Variants in STK11IP observed in about 807,000 individuals in gnomAD.
STK11IP encodes serine/threonine-protein kinase 11-interacting protein.
In STK11IP, 103 loss-of-function variants were observed where a neutral mutation model predicts 131.7. That is an observed-to-expected ratio of 0.78 (90% CI 0.67 to 0.92). STK11IP has a LOEUF of 0.92. STK11IP is among the 40% of genes least tolerant of loss of function. The probability of loss-of-function intolerance (pLI) is 0.00; values close to 1 mark genes in which losing one functional copy is unlikely to be tolerated. For synonymous variants in STK11IP, 557 were observed against 575.6 expected (o/e 0.97, Z 0.46); for missense variants, 1,315 against 1,385.7 (o/e 0.95, Z 0.81).
Position 219,613,025 on chromosome 2 carries a change from G to T in STK11IP, c.2440-103G>T, listed in dbSNP as rs913350710. The T allele has an allele frequency of 3.7e-5, 30 of 807,492 alleles. 1 individual carries two copies. Among genetic ancestry groups the T allele is most frequent in the Non-Finnish European group, 6.0e-5 (29 of 486,980 alleles). 50.0% of individuals were successfully genotyped at this position (807,492 alleles called of 1,614,324 possible). A position where few individuals can be genotyped will look rare whatever the true frequency, so the allele number is the denominator to read the frequency against. On this transcript the variant is annotated intron_variant, in intron 19 of 24. Coordinates refer to ENST00000456909, the MANE Select transcript of STK11IP (RefSeq NM_052902.4). Reference sequence around the variant, plus strand: ...CCATAGACTGGTGGGTGGGCAGTGGGAGGGTCAGGCCGAGGGTGCTGTCAC... The same window carrying T: ...CCATAGACTGGTGGGTGGGCAGTGGTAGGGTCAGGCCGAGGGTGCTGTCAC...
intron 4 of STK11IP, 34 bp downstream of exon 4, chr2:219,601,749 A>G (rs764723128): frequency 1.3e-6 from 2 of 1,574,584 alleles, no homozygotes; most frequent in African/African-American, 2.7e-5. Context: ...GGTGCACAGC[A>G]CCCAACTTGA....
rs1300448273 is a variant in STK11IP, at chr2:219,602,660, A to G, written c.547-45A>G. 4 of 1,612,204 alleles carry G rather than the reference A, an allele frequency of 2.5e-6. No homozygotes were observed. The African/African-American group carries it at 5.3e-5, about 22-fold the overall frequency. On this transcript the variant is annotated intron_variant, in intron 6 of 24. Coordinates refer to ENST00000456909, the MANE Select transcript of STK11IP (RefSeq NM_052902.4). ...AGGGCCAGCTGGTTGACCAGATAGT[A>G]TTGTAGTGAACATCGATTCTCTGCC...
At chr2:219,607,956 C>T (rs145054212) in intron 13 of STK11IP, 91 bp from the exon 14 acceptor site, 22,508 of 1,512,194 alleles carry the variant, frequency 0.015, 200 homozygotes, top group Non-Finnish European at 0.017. Context: ...CACAGCCCAT[C>T]GCCCCCTCAT....
intron 24 of STK11IP, 30 bp from the exon 25 acceptor site, chr2:219,616,014 C>T (rs1247787215): frequency 1.2e-6 from 2 of 1,608,978 alleles, no homozygotes; most frequent in Admixed American, 1.7e-5. Context: ...TCCCCATGAG[C>T]CTCGCCTTGC....
rs113599698 is a variant in STK11IP, at chr2:219,601,233, A to C, written c.62-2A>C. The stretch of plus-strand genomic sequence containing the variant: ...CCCTCCTGTTTGCCCCTTTTTCTGC[A>C]GGGGATGTGGTCCTGTCTGGCTGTA... On this transcript the variant is annotated splice_acceptor_variant, in intron 2 of 24. Coordinates refer to ENST00000456909, the MANE Select transcript of STK11IP (RefSeq NM_052902.4). LOFTEE classifies it high-confidence loss of function. The C allele has an allele frequency of 6.2e-7, 1 of 1,604,182 alleles. No homozygotes were observed. Among genetic ancestry groups the C allele is most frequent in the Non-Finnish European group, 8.5e-7 (1 of 1,173,644 alleles).
At position 219,606,280 on chromosome 2, in the gene STK11IP, C is replaced by G. The variant is rs760988732; in HGVS notation, c.935C>G (p.Ala312Gly). The change falls in exon 10 of 25, where the codon GCT becomes GGT. Residue 312 changes from alanine to glycine, a missense_variant. Ala to Gly is a moderately conservative substitution (Grantham distance 60). Transcript: ENST00000456909. The stretch of plus-strand genomic sequence containing the variant: ...TACTTGTCACCCCGGGCCAGGGATG[C>G]TGCTACTGGCGTGAGTGATCGTCCT... Reference protein sequence around the residue: ...AQYLSPRARDAATGFLLDGKV... With the variant: ...AQYLSPRARDGATGFLLDGKV... 1 of 1,566,144 alleles carries G rather than the reference C, an allele frequency of 6.4e-7. No individual in the cohort carries two copies. The highest frequency in any genetic ancestry group is 1.2e-5 in the South Asian group (1 of 85,128).
chr2:219,613,040 G>A, intron 19 of STK11IP, 88 bp from the exon 20 acceptor site: 1 of 1,011,772 alleles, frequency 9.9e-7, no homozygotes, highest in Non-Finnish European at 1.5e-6. Flanking sequence ...TCAGGCCGAG[G>A]GTGCTGTCAC....
chr2:219,616,028 C>G lies in STK11IP; in HGVS notation c.3118-16C>G, dbSNP rs1479428469. On this transcript the variant is annotated splice_polypyrimidine_tract_variant and intron_variant, in intron 24 of 24. Transcript: ENST00000456909. ...GTCCCCATGAGCCTCGCCTTGCTAA[C>G]TGCTCGGTCTGCCAGGTGTCCCGGC... 3 of 1,612,402 alleles carry G rather than the reference C, an allele frequency of 1.9e-6. No individual in the cohort carries two copies. The highest frequency in any genetic ancestry group is 1.7e-4 in the Middle Eastern group (1 of 5,982).
intron 17 of STK11IP, among the ~76,000 whole-genome samples, chr2:219,611,339 C>G (rs1375002893): frequency 6.6e-6 from 1 of 152,150 alleles, no homozygotes; most frequent in Non-Finnish European, 1.5e-5. Context: ...TTGGCCCAGT[C>G]TGAGAGGGCC....
chr2:219,599,637 GGCA>G, intron 2 of STK11IP, among the ~76,000 whole-genome samples: 1 of 152,268 alleles, frequency 6.6e-6, no homozygotes, highest in South Asian at 2.1e-4. Flanking sequence ...AGAGCTTTGT[GGCA>G]GCAGAATAGT....
At chr2:219,605,861 C>T (rs975508081) in intron 8 of STK11IP, 95 bp from the exon 9 acceptor site, 35 of 1,480,088 alleles carry the variant, frequency 2.4e-5, no homozygotes, top group African/African-American at 2.8e-5. Context: ...GTGCTCTGGC[C>T]GGTCTTTCTG....
chr2:219,607,496 A>G (rs199505238), intron 13 of STK11IP, among the ~76,000 whole-genome samples: 1 of 151,880 alleles, frequency 6.6e-6, no homozygotes, highest in Non-Finnish European at 1.5e-5. Context: ...CATTTCTACA[A>G]AAAAATTTTT....
In STK11IP at chr2:219,600,203, C is replaced by T. The variant is rs371284356; in HGVS notation, c.62-1032C>T. Among the ~76,000 whole-genome samples the T allele has an allele frequency of 1.3e-4, 20 of 152,056 alleles. No individual in the cohort carries two copies. The South Asian group carries it at 1.7e-3, about 13-fold the overall frequency. ...TCAGCCCCTCGAGTAGCTGGGATTA[C>T]AGGCGCATGTCGCAATGCCCAGCTG... On this transcript the variant is annotated intron_variant, in intron 2 of 24. Transcript: ENST00000456909.
chr2:219,606,157 C>G, intron 9 of STK11IP, 38 bp from the exon 10 acceptor site: 1 of 1,533,266 alleles, frequency 6.5e-7, no homozygotes, highest in Non-Finnish European at 8.9e-7. Context: ...AGGGCCAGGG[C>G]CCCAGGCCCT....
At chr2:219,614,619 A>AGCACC in intron 23 of STK11IP, 73 bp downstream of exon 23, 1 of 1,463,126 alleles carries the variant, frequency 6.8e-7, no homozygotes, top group Non-Finnish European at 9.6e-7. Flanking sequence ...GCCCACGCGC[A>AGCACC]GCACCTGTAC....
intron 7 of STK11IP, among the ~76,000 whole-genome samples, chr2:219,603,073 G>C (rs1180215849): frequency 8.0e-6 from 1 of 125,648 alleles, no homozygotes; most frequent in Non-Finnish European, 1.6e-5. Flanking sequence ...ATGGAGTCTC[G>C]CTCTGTCACC....
At chr2:219,611,879 A>G in intron 18 of STK11IP, 45 bp downstream of exon 18, 1 of 1,581,800 alleles carries the variant, frequency 6.3e-7, no homozygotes, top group Non-Finnish European at 8.6e-7. Context: ...GGGGAAGGGA[A>G]GGGGCACTGA....
At chr2:219,612,307 T>G (rs887242385) in intron 19 of STK11IP, among the ~76,000 whole-genome samples, 1 of 152,230 alleles carries the variant, frequency 6.6e-6, no homozygotes, top group Non-Finnish European at 1.5e-5. Context: ...ATGTTGAAGC[T>G]GCCCAGCCCA....
In STK11IP at chr2:219,598,451, A is replaced by T. The variant is rs1574608565; in HGVS notation, c.61+271A>T. Reference sequence around the variant, plus strand: ...GTCAGAAGGAAGTGATCATTACCTGACTAAAAGCCCCTCAGGACCAGGGAC... The same window carrying T: ...GTCAGAAGGAAGTGATCATTACCTGTCTAAAAGCCCCTCAGGACCAGGGAC... On this transcript the variant is annotated intron_variant, in intron 2 of 24. Transcript: ENST00000456909. The T allele has an allele frequency of 7.6e-6, 3 of 396,966 alleles. No homozygotes were observed. The East Asian group carries it at 1.3e-4, about 17-fold the overall frequency. 24.6% of individuals were successfully genotyped at this position (396,966 alleles called of 1,614,324 possible). A position where few individuals can be genotyped will look rare whatever the true frequency, so the allele number is the denominator to read the frequency against.
Sources: gnomAD v4.1 joint callset for allele counts (sites outside exome capture counted in the v4.1 genomes callset) on GRCh38, gnomAD v4.1.1 for gene constraint, MANE v1.5 for transcripts, NCBI Gene and HGNC (gene_info 2026-07-23, HGNC 2026-07-21) for gene names.